UGT2B4: variants seen among roughly 807,000 people sequenced by gnomAD.
The protein encoded by UGT2B4 is UDP-glucuronosyltransferase 2B4.
In UGT2B4, 49 loss-of-function variants were observed where a neutral mutation model predicts 49.8. The observed-to-expected ratio is 0.98, with a 90% CI of 0.78 to 1.25. The LOEUF is 1.25. Among genes scored for constraint, UGT2B4 ranks in the 50% most tolerant of loss-of-function variants. UGT2B4 has a pLI of 0.00. For synonymous variants in UGT2B4, 246 were observed against 217.7 expected (o/e 1.13, Z -1.14); for missense variants, 729 against 627.7 (o/e 1.16, Z -1.73).
Position 69,485,367 on chromosome 4 carries a change from A to C in UGT2B4, c.1151T>G (p.Ile384Ser), listed in dbSNP as rs748645786. Residue 384 changes from isoleucine to serine, a missense_variant, in exon 5 of 6, where the codon ATC (isoleucine) becomes AGC (serine). Physicochemically the swap from Ile to Ser is moderately radical, Grantham distance 142. Coordinates refer to ENST00000305107, the MANE Select transcript of UGT2B4 (RefSeq NM_021139.3). Reference protein sequence around the residue: ...HGGANGIYEAIYHGIPMVGVP... With the variant: ...HGGANGIYEASYHGIPMVGVP... ...GCCCACCATAGGGATTCCATGGTAG[A>C]TTGCCTCATAGATGCCATTGGCTCC... 1 of 1,613,972 alleles carries C rather than the reference A, an allele frequency of 6.2e-7. No individual in the cohort carries two copies.
chr4:69,501,136 GC>G (rs1363752556), intron 1 of UGT2B4, among the ~76,000 whole-genome samples: 1 of 152,084 alleles, frequency 6.6e-6, no homozygotes, highest in Non-Finnish European at 1.5e-5. Flanking sequence ...CGGGGATGGA[GC>G]TGGGGGTTGG....
chr4:69,505,155 A>G (rs1244516214), intron 1 of UGT2B4, among the ~76,000 whole-genome samples: 5 of 152,178 alleles, frequency 3.3e-5, no homozygotes, highest in African/African-American at 9.6e-5. Context: ...CTATAAATCA[A>G]CCACATACAC....
chr4:69,498,377 T>TG (rs1280242710), upstream of UGT2B4, among the ~76,000 whole-genome samples: 9 of 152,128 alleles, frequency 5.9e-5, no homozygotes, highest in Non-Finnish European at 1.3e-4. Context: ...GAGAAACAGA[T>TG]GGAGTGAGTA....
chr4:69,519,111 CTT>C (rs1728792195), intron 1 of UGT2B4, among the ~76,000 whole-genome samples: 1 of 152,130 alleles, frequency 6.6e-6, no homozygotes, highest in African/African-American at 2.4e-5. Flanking sequence ...AGAAAGCTAA[CTT>C]GAAGTAGGAG....
chr4:69,517,607 T>G (rs1403248365), intron 1 of UGT2B4: 1 of 152,276 alleles, frequency 6.6e-6, no homozygotes, highest in Admixed American at 6.5e-5. Flanking sequence ...ATATGTGATG[T>G]TCTATATATG....
intron 5 of UGT2B4, among the ~76,000 whole-genome samples, chr4:69,484,834 A>G (rs1461193228): frequency 1.3e-5 from 2 of 152,178 alleles, no homozygotes; most frequent in African/African-American, 2.4e-5. Context: ...TAAATTTTTC[A>G]GTGAGAAAAC....
chr4:69,497,930 G>T (rs1235164827), upstream of UGT2B4, among the ~76,000 whole-genome samples: 1 of 152,160 alleles, frequency 6.6e-6, no homozygotes, highest in Non-Finnish European at 1.5e-5. Context: ...TTAAGAAAGT[G>T]CCACAGTCAC....
At chr4:69,509,399 A>G (rs1728554056) in intron 1 of UGT2B4, among the ~76,000 whole-genome samples, 1 of 152,006 alleles carries the variant, frequency 6.6e-6, no homozygotes, top group African/African-American at 2.4e-5. Context: ...TTAATTTCTT[A>G]AGAACCTCTA....
At chr4:69,481,160 T>C (rs1478036015) in intron 5 of UGT2B4, among the ~76,000 whole-genome samples, 4 of 145,518 alleles carry the variant, frequency 2.7e-5, no homozygotes, top group Middle Eastern at 3.7e-3. Flanking sequence ...TCCCAGCTAC[T>C]TGAGAGGCTG....
chr4:69,501,929 G>A lies in UGT2B4; in HGVS notation c.-105-5963C>T, dbSNP rs529069595. ...GGCTCATGAGGGAACTTCCTGACCCGAGGGTTGCAGAGATCTGTGGGAGAA... is the reference window on the plus strand; with the variant it reads ...GGCTCATGAGGGAACTTCCTGACCCAAGGGTTGCAGAGATCTGTGGGAGAA... On this transcript the variant is annotated intron_variant, in intron 1 of 1. Transcript: ENST00000510114. Among the ~76,000 whole-genome samples, 11 of 152,180 alleles carry A rather than the reference G, an allele frequency of 7.2e-5. No individual in the cohort carries two copies. The South Asian group carries it at 2.1e-3, about 29-fold the overall frequency.
chr4:69,490,861 A>G (rs1727965100), intron 2 of UGT2B4, among the ~76,000 whole-genome samples: 1 of 152,102 alleles, frequency 6.6e-6, no homozygotes, highest in South Asian at 2.1e-4. Context: ...GTTTTGTTTC[A>G]GTGGCTTGAT....
intron 1 of UGT2B4, among the ~76,000 whole-genome samples, chr4:69,519,670 T>C (rs1728803678): frequency 6.7e-6 from 1 of 150,252 alleles, no homozygotes; most frequent in East Asian, 2.0e-4. Flanking sequence ...ACTAGGGTCT[T>C]CTTTGGGTGC....
intron 1 of UGT2B4, among the ~76,000 whole-genome samples, chr4:69,504,342 T>C (rs1026322284): frequency 6.6e-6 from 1 of 152,130 alleles, no homozygotes; most frequent in Non-Finnish European, 1.5e-5. Flanking sequence ...TAAATTATCA[T>C]AGGAGCAAAA....
intron 3 of UGT2B4, 66 bp downstream of exon 3, chr4:69,489,373 G>A: frequency 4.4e-6 from 7 of 1,584,066 alleles, no homozygotes; most frequent in Non-Finnish European, 6.0e-6. Context: ...TCTACAATTG[G>A]GTTCTTTACA....
chr4:69,513,192 T>C (rs1728649997), intron 1 of UGT2B4, among the ~76,000 whole-genome samples: 1 of 152,256 alleles, frequency 6.6e-6, no homozygotes, highest in Non-Finnish European at 1.5e-5. Context: ...CCCTAGATTT[T>C]CTTCTAGAGT....
chr4:69,491,177 C>A (rs746725548), intron 2 of UGT2B4, among the ~76,000 whole-genome samples: 11 of 145,918 alleles, frequency 7.5e-5, no homozygotes, highest in African/African-American at 2.7e-4. Flanking sequence ...TTGTATATAC[C>A]TTTTCCTCCT....
chr4:69,480,852 G>T lies in UGT2B4; in HGVS notation c.1369C>A (p.Leu457Ile). ...TCAATCCAGAAGACTGCTCGATCAA[G>T]GGGCTTCACTGGTTGATCATGATGA... The part of the protein sequence containing the change: ...RIHHDQPVKP[L>I]DRAVFWIEFV... Residue 457 changes from leucine (L) to isoleucine (I), a missense_variant, in exon 6 of 6, where the codon CTT becomes ATT. Coordinates refer to ENST00000305107, the MANE Select transcript of UGT2B4 (RefSeq NM_021139.3). The T allele has an allele frequency of 6.2e-7, 1 of 1,613,828 alleles. No individual in the cohort carries two copies. Among genetic ancestry groups the T allele is most frequent in the Non-Finnish European group, 8.5e-7 (1 of 1,179,828 alleles).
At chr4:69,481,032 A>T (rs1577876965) in intron 5 of UGT2B4, 122 bp from the exon 6 acceptor site, 5 of 979,086 alleles carry the variant, frequency 5.1e-6, no homozygotes, top group Non-Finnish European at 7.3e-6. Flanking sequence ...AGGTCAGGAG[A>T]TCAAGACCAT....
At chr4:69,510,312 C>T (rs529887781) in intron 1 of UGT2B4, among the ~76,000 whole-genome samples, 2 of 152,196 alleles carry the variant, frequency 1.3e-5, no homozygotes, top group South Asian at 2.1e-4. Flanking sequence ...GGACTTTCTC[C>T]TCAAGATTGT....
Sources: allele counts gnomAD v4.1 joint callset (sites outside exome capture counted in the v4.1 genomes callset), GRCh38; gene constraint gnomAD v4.1.1; transcripts MANE v1.5; gene names NCBI Gene and HGNC (gene_info 2026-07-23, HGNC 2026-07-21).